NEB: variants seen among roughly 807,000 people sequenced by gnomAD.
NEB encodes the protein nemaline myopathy type 2.
NEB carries 512 observed loss-of-function variants against 952.2 expected under a neutral mutation model. The observed-to-expected ratio is 0.54, with a 90% CI of 0.50 to 0.58. The LOEUF is 0.58. Among genes scored for constraint, NEB ranks in the 20% least tolerant of loss-of-function variants. NEB has a pLI of 0.00. For synonymous variants in NEB, 2,900 were observed against 3,149.8 expected, an observed-to-expected ratio of 0.92 and a Z score of 2.66; for missense variants, 8,428 against 9,231.1, an observed-to-expected ratio of 0.91 and a Z score of 3.56.
rs2096826749 is a variant in NEB, at chr2:151,576,352, G to A, written c.16707C>T (p.Ala5569=). The part of the protein sequence containing the change: ...ARKAYDLQSD[A]LYKADLEWLR... The stretch of plus-strand genomic sequence containing the variant: ...ACCACTCCAAGTCAGCCTTGTAGAG[G>A]GCCTGAAAAAGAAAACACAGGTAGA... Residue 5569 remains alanine (A), a splice_region_variant and synonymous_variant, in exon 106 of 182, where the codon GCC becomes GCT. Coordinates refer to ENST00000397345, the MANE Select transcript of NEB (RefSeq NM_001164508.2). 1 of 1,582,878 alleles carries A rather than the reference G, an allele frequency of 6.3e-7. No individual in the cohort carries two copies. Among genetic ancestry groups the A allele is most frequent in the Non-Finnish European group, 8.6e-7 (1 of 1,160,854 alleles).
Position 151,693,334 on chromosome 2 carries a change from C to T in NEB, c.1897-972G>A, listed in dbSNP as rs536578561. The stretch of plus-strand genomic sequence containing the variant: ...GGTTTGTTACATAGGGAAGCGTGTG[C>T]CATGGTGGTTTGCTGCACAGATCAT... On this transcript the variant is annotated intron_variant, in intron 20 of 181. Transcript: ENST00000397345. Among the ~76,000 whole-genome samples the T allele has an allele frequency of 1.5e-4, 23 of 152,092 alleles. No homozygotes were observed. The South Asian group carries it at 2.7e-3, about 18-fold the overall frequency.
In NEB at chr2:151,729,602, G is replaced by A. The variant is rs1187956928; in HGVS notation, c.78+13C>T. On this transcript the variant is annotated intron_variant, in intron 4 of 181. Coordinates refer to ENST00000397345, the MANE Select transcript of NEB (RefSeq NM_001164508.2). ...TGAGAATGCAGTTTATGCAGCTGTGGGCTGGGCCTTACCTCTCCCGGCACC... is the reference window on the plus strand; with the variant it reads ...TGAGAATGCAGTTTATGCAGCTGTGAGCTGGGCCTTACCTCTCCCGGCACC... 2 of 1,612,810 alleles carry A rather than the reference G, an allele frequency of 1.2e-6. No homozygotes were observed. The highest frequency in any genetic ancestry group is 1.7e-5 in the Admixed American group (1 of 59,952).
intron 178 of NEB, 63 bp from the exon 179 acceptor site, chr2:151,491,838 A>G: frequency 7.4e-7 from 1 of 1,345,494 alleles, no homozygotes; most frequent in South Asian, 1.3e-5. Context: ...TTGAAAACCA[A>G]GGCATGAATT....
At chr2:151,505,633 C>A in intron 164 of NEB, 63 bp from the exon 165 acceptor site, 1 of 1,341,686 alleles carries the variant, frequency 7.5e-7, no homozygotes, top group South Asian at 1.2e-5. Context: ...TTCTTCCCAA[C>A]ATGTACATGT....
At chr2:151,699,779 G>A (rs1346196431) in intron 13 of NEB, among the ~76,000 whole-genome samples, 1 of 146,160 alleles carries the variant, frequency 6.8e-6, no homozygotes, top group Non-Finnish European at 1.5e-5. Flanking sequence ...TGTCAGATGA[G>A]TAGGTTGCGA....
chr2:151,573,686 T>A (rs1338561052), intron 107 of NEB, among the ~76,000 whole-genome samples: 2 of 152,230 alleles, frequency 1.3e-5, no homozygotes, highest in Non-Finnish European at 2.9e-5. Flanking sequence ...TTTGAAAGCA[T>A]GCAAAGTTTC....
intron 72 of NEB, 147 bp downstream of exon 72, chr2:151,620,771 CT>C: frequency 1.7e-6 from 1 of 581,702 alleles, no homozygotes; most frequent in Non-Finnish European, 3.0e-6. Context: ...TGCTTGTGAT[CT>C]TGGGCAAGTT....
chr2:151,697,085 C>A, intron 16 of NEB, 63 bp downstream of exon 16: 2 of 1,250,090 alleles, frequency 1.6e-6, no homozygotes, highest in African/African-American at 1.5e-5. Context: ...ACATTTTAAA[C>A]ATATCCTGAC....
chr2:151,501,351 T>G (rs749993364), intron 168 of NEB, 40 bp downstream of exon 168: 1 of 1,293,194 alleles, frequency 7.7e-7, no homozygotes, highest in Non-Finnish European at 1.1e-6. Context: ...TAGAAATTAT[T>G]ATTTTTTAAT....
chr2:151,632,175 T>C (rs1056468318), intron 65 of NEB, among the ~76,000 whole-genome samples: 3 of 152,148 alleles, frequency 2.0e-5, no homozygotes, highest in Non-Finnish European at 4.4e-5. Context: ...TTTTTTTTGC[T>C]GAAGGTTTTT....
chr2:151,501,136 A>ACTT (rs1040063714), intron 168 of NEB, among the ~76,000 whole-genome samples: 3 of 152,200 alleles, frequency 2.0e-5, no homozygotes, highest in East Asian at 1.9e-4. Flanking sequence ...AAATCAATTA[A>ACTT]CTTCAACAGT....
intron 34 of NEB, 115 bp from the exon 35 acceptor site, chr2:151,675,506 G>T: frequency 1.5e-6 from 1 of 657,808 alleles, no homozygotes; most frequent in Non-Finnish European, 2.5e-6. Context: ...AATCATCAAA[G>T]GCATTTTCCT....
rs1247185102 is a variant in NEB at position 151,489,957 on chromosome 2, T to A, written c.25404+14A>T. 6.6e-7 allele frequency: 1 copy of A among 1,520,402 alleles called. No individual in the cohort carries two copies. Among genetic ancestry groups the A allele is most frequent in the Non-Finnish European group, 9.1e-7 (1 of 1,094,704 alleles). 94.2% of individuals were successfully genotyped at this position (1,520,402 alleles called of 1,614,324 possible). ...TTAAGAATAATTTATTTAAGTGAGT[T>A]GTTATTCACTTACTCCAGCAGTAGA... is the stretch of plus-strand genomic sequence containing the variant. On this transcript the variant is annotated intron_variant, in intron 181 of 181. Coordinates refer to ENST00000397345, the MANE Select transcript of NEB (RefSeq NM_001164508.2).
At chr2:151,550,266 CAAAAAAAA>C (rs57057802) in intron 129 of NEB, among the ~76,000 whole-genome samples, 1 of 73,366 alleles carries the variant, frequency 1.4e-5, no homozygotes, top group East Asian at 3.9e-4. Flanking sequence ...ACCCTGTCTC[CAAAAAAAA>C]AAAAAAAAAA....
intron 95 of NEB, among the ~76,000 whole-genome samples, 174 bp downstream of exon 95, chr2:151,591,860 T>A (rs2097286388): frequency 6.6e-6 from 1 of 152,308 alleles, no homozygotes; most frequent in Non-Finnish European, 1.5e-5. Flanking sequence ...AACATTGAGA[T>A]GTACATTACA....
chr2:151,628,256 G>A (rs911051470), intron 68 of NEB, among the ~76,000 whole-genome samples: 2 of 152,108 alleles, frequency 1.3e-5, no homozygotes, highest in African/African-American at 4.8e-5. Flanking sequence ...CTATTCCTGA[G>A]TCCACAGATA....
chr2:151,684,323 C>T (rs550158943), intron 28 of NEB, among the ~76,000 whole-genome samples: 27 of 152,022 alleles, frequency 1.8e-4, no homozygotes, highest in South Asian at 1.2e-3. Context: ...CAGAAAAAAC[C>T]GTTATAAATA....
Position 151,525,199 on chromosome 2 carries a change from C to T in NEB, c.22236G>A (p.Val7412=), listed in dbSNP as rs2084999799. Residue 7412 remains valine (V), a synonymous_variant, in exon 151 of 182, where the codon GTG becomes GTA. Transcript: ENST00000397345. ...NYSIMLEPPE[V]KHAMEVAKKQ... is the part of the protein sequence containing the mutation. ...TCTTGGCCACTTCCATAGCATGTTT[C>T]ACCTCTGGTGGCTCCAGCATGATGG... The T allele has an allele frequency of 6.2e-7, 1 of 1,613,954 alleles. No individual in the cohort carries two copies. The highest frequency in any genetic ancestry group is 8.5e-7 in the Non-Finnish European group (1 of 1,179,824).
At chr2:151,692,862 T>C (rs940837626) in intron 20 of NEB, among the ~76,000 whole-genome samples, 5 of 151,968 alleles carry the variant, frequency 3.3e-5, no homozygotes, top group African/African-American at 4.8e-5. Flanking sequence ...CCCAGCTACT[T>C]GGGAGGCTGA....
Sources: allele counts gnomAD v4.1 joint callset (sites outside exome capture counted in the v4.1 genomes callset), GRCh38; gene constraint gnomAD v4.1.1; transcripts MANE v1.5; gene names NCBI Gene and HGNC (gene_info 2026-07-23, HGNC 2026-07-21).